The following IFT57 variants were observed in gnomAD, a reference collection of about 807,000 sequenced individuals.
IFT57 encodes intraflagellar transport 57.
In IFT57, 59 loss-of-function variants were observed where a neutral mutation model predicts 56.8. The observed-to-expected ratio is 1.04, with a 90% CI of 0.84 to 1.29. The LOEUF (loss-of-function observed/expected upper bound fraction) is 1.29. Among genes scored for constraint, IFT57 ranks in the 50% most tolerant of loss-of-function variants. The pLI, the probability that IFT57 is intolerant of heterozygous loss-of-function variation, is 0.00. For missense variants in IFT57, 470 were observed against 522.1 expected (o/e 0.90, Z 0.97); for synonymous variants, 209 against 186.1 (o/e 1.12, Z -1.00).
At chr3:108,212,535 G>C (rs946467885) in intron 4 of IFT57, among the ~76,000 whole-genome samples, 1 of 152,046 alleles carries the variant, frequency 6.6e-6, no homozygotes, top group East Asian at 1.9e-4. Context: ...GCAGATGCTG[G>C]TGCTACACTT....
intron 7 of IFT57, 29 bp downstream of exon 7, chr3:108,167,764 C>T (rs373169847): frequency 1.0e-4 from 145 of 1,417,376 alleles, no homozygotes; most frequent in Admixed American, 3.2e-4. Flanking sequence ...AGTAAATGTA[C>T]ATTGATTCAC....
At chr3:108,187,943 T>G (rs993844431) in intron 6 of IFT57, among the ~76,000 whole-genome samples, 11 of 137,576 alleles carry the variant, frequency 8.0e-5, no homozygotes, top group African/African-American at 2.4e-4. Flanking sequence ...AAGGTTTTTG[T>G]TTTTTTTTTT....
intron 3 of IFT57, 68 bp from the exon 4 acceptor site, chr3:108,214,089 A>C: frequency 1.1e-6 from 1 of 883,320 alleles, no homozygotes; most frequent in Non-Finnish European, 1.8e-6. Context: ...ATCATAATGC[A>C]AATATCATGT....
rs764248631 is a variant in IFT57 at position 108,218,576 on chromosome 3, G to A, written c.453C>T (p.Phe151=). 13 of 1,560,390 alleles carry A rather than the reference G, an allele frequency of 8.3e-6. No homozygotes were observed. Among genetic ancestry groups the A allele is most frequent in the East Asian group, 4.8e-5 (2 of 41,694 alleles). ...GEHVCYVLDC[F]AEEALKYIGF... is the part of the protein sequence containing the mutation. ...CAATATATTTCAATGCTTCTTCAGC[G>A]AAGCAATCAAGAACATAGCATACAT... The change falls in exon 3 of 11, where the codon TTC becomes TTT. Residue 151 remains phenylalanine, a synonymous_variant. Coordinates refer to ENST00000264538, the MANE Select transcript of IFT57 (RefSeq NM_018010.4).
chr3:108,165,867 G>A (rs1000201000), intron 8 of IFT57, among the ~76,000 whole-genome samples: 1 of 151,964 alleles, frequency 6.6e-6, no homozygotes, highest in Admixed American at 6.6e-5. Flanking sequence ...ATCAATCAAA[G>A]TAGAGCATGA....
At chr3:108,208,821 T>C (rs1451119041) in intron 4 of IFT57, among the ~76,000 whole-genome samples, 1 of 152,230 alleles carries the variant, frequency 6.6e-6, no homozygotes, top group Non-Finnish European at 1.5e-5. Flanking sequence ...GCTGGCATGA[T>C]TGATCCTATT....
At chr3:108,212,530 T>C (rs866641991) in intron 4 of IFT57, among the ~76,000 whole-genome samples, 6 of 152,256 alleles carry the variant, frequency 3.9e-5, no homozygotes, top group African/African-American at 1.2e-4. Flanking sequence ...CAGAAGCAGA[T>C]GCTGGTGCTA....
At position 108,172,103 on chromosome 3, in the gene IFT57, G is replaced by A. The variant is rs552077364; in HGVS notation, c.778-4239C>T. 5.3e-5 allele frequency among the ~76,000 whole-genome samples: 8 copies of A among 151,958 alleles called. No individual in the cohort carries two copies. In the South Asian group the frequency reaches 1.7e-3, roughly 31 times the overall value. On this transcript the variant is annotated intron_variant, in intron 6 of 10. Transcript: ENST00000264538. Reference sequence around the variant, plus strand: ...CATTTCGAGAGAAGCAACCATGCCTGACTCATTTAGGTATAACTACGATAG... The same window carrying A: ...CATTTCGAGAGAAGCAACCATGCCTAACTCATTTAGGTATAACTACGATAG...
intron 4 of IFT57, among the ~76,000 whole-genome samples, chr3:108,212,422 CT>C (rs2080347273): frequency 1.3e-5 from 2 of 152,094 alleles, no homozygotes; most frequent in African/African-American, 4.8e-5. Context: ...CCTCCTCTGT[CT>C]CTGGTCCTTC....
chr3:108,197,759 G>A (rs996598126), intron 5 of IFT57, among the ~76,000 whole-genome samples: 2 of 152,172 alleles, frequency 1.3e-5, no homozygotes, highest in African/African-American at 4.8e-5. Flanking sequence ...ACAGCATGGT[G>A]TAAATGTTAA....
intron 6 of IFT57, among the ~76,000 whole-genome samples, chr3:108,178,413 T>TC (rs1433435055): frequency 6.6e-6 from 1 of 151,370 alleles, no homozygotes; most frequent in East Asian, 1.9e-4. Context: ...CCACACTTGC[T>TC]CCCCCCAAAA....
chr3:108,196,295 C>T (rs1055013872), intron 5 of IFT57, among the ~76,000 whole-genome samples: 5 of 152,070 alleles, frequency 3.3e-5, no homozygotes, highest in Admixed American at 2.0e-4. Context: ...TCCCTCCTTA[C>T]AAGATTGAAG....
At chr3:108,169,204 T>A (rs1577046994) in intron 6 of IFT57, among the ~76,000 whole-genome samples, 2 of 152,096 alleles carry the variant, frequency 1.3e-5, no homozygotes, top group Non-Finnish European at 2.9e-5. Flanking sequence ...TGAGATGGTA[T>A]CTCATTGTGG....
chr3:108,213,462 A>G (rs1391978593), intron 4 of IFT57, among the ~76,000 whole-genome samples: 1 of 152,228 alleles, frequency 6.6e-6, no homozygotes, highest in East Asian at 1.9e-4. Context: ...AAAAAGTTGT[A>G]GATTCTGCCA....
At chr3:108,220,594 T>G (rs2080400501) in intron 1 of IFT57, among the ~76,000 whole-genome samples, 1 of 152,222 alleles carries the variant, frequency 6.6e-6, no homozygotes, top group Non-Finnish European at 1.5e-5. Flanking sequence ...CATCTTTTCC[T>G]TATCGGCAGA....
chr3:108,222,143 G>C lies in IFT57; in HGVS notation c.180C>G (p.Phe60Leu). Residue 60 changes from phenylalanine (F) to leucine (L), a missense_variant, in exon 1 of 11, where the codon TTC (phenylalanine) becomes TTG (leucine). Phe to Leu is a conservative substitution (Grantham distance 22, BLOSUM62 0). Coordinates refer to ENST00000264538, the MANE Select transcript of IFT57 (RefSeq NM_018010.4). ...KLKLLRYEEE[F>L]LRKSNLKAPS... is the part of the protein sequence containing the mutation. ...GGGCCTTCAGGTTGCTCTTCCGGAG[G>C]AACTCCTCCTCGTAGCGGAGCAGCT... The C allele has an allele frequency of 2.5e-6, 4 of 1,612,280 alleles. No homozygotes were observed. Among genetic ancestry groups the C allele is most frequent in the Non-Finnish European group, 3.4e-6 (4 of 1,179,256 alleles).
chr3:108,192,487 T>A (rs1270104113), intron 5 of IFT57, among the ~76,000 whole-genome samples: 1 of 152,132 alleles, frequency 6.6e-6, no homozygotes, highest in Non-Finnish European at 1.5e-5. Flanking sequence ...CTTTTCTTTT[T>A]TCTCAGCCCT....
intron 6 of IFT57, among the ~76,000 whole-genome samples, chr3:108,190,279 CA>C (rs1158446710): frequency 6.6e-6 from 1 of 152,266 alleles, no homozygotes; most frequent in Non-Finnish European, 1.5e-5. Flanking sequence ...AATGTAAGGA[CA>C]TGAGATTTGG....
chr3:108,188,484 G>A (rs1273518416), intron 6 of IFT57, among the ~76,000 whole-genome samples: 2 of 151,996 alleles, frequency 1.3e-5, no homozygotes, highest in African/African-American at 2.4e-5. Context: ...AAAAGCAATC[G>A]AATATGACTT....
Sources: gnomAD v4.1 joint callset for allele counts (sites outside exome capture counted in the v4.1 genomes callset) on GRCh38, gnomAD v4.1.1 for gene constraint, MANE v1.5 for transcripts, NCBI Gene and HGNC (gene_info 2026-07-23, HGNC 2026-07-21) for gene names.